The following PHACTR2 variants were observed in gnomAD, a reference collection of about 807,000 sequenced individuals.
PHACTR2 encodes chromosome 6 open reading frame 56.
PHACTR2 carries 30 observed loss-of-function variants against 76.0 expected under a neutral mutation model. That is an observed-to-expected ratio of 0.39 (90% CI 0.30 to 0.54). The LOEUF is 0.54. Ranked by LOEUF, PHACTR2 falls within the 20% of genes least tolerant of loss-of-function variation. The pLI is 0.61. For synonymous variants in PHACTR2, 292 were observed against 292.5 expected (o/e 1.00, Z 0.02); for missense variants, 696 against 781.1 (o/e 0.89, Z 1.30).
intron 11 of PHACTR2, among the ~76,000 whole-genome samples, chr6:143,792,768 CT>C (rs1053831728): frequency 7.2e-5 from 11 of 152,276 alleles, no homozygotes; most frequent in African/African-American, 2.2e-4. Context: ...TACATGGCCT[CT>C]TCAGCATGGT....
rs536730176 is a variant in PHACTR2, at chr6:143,767,714, C to A, written c.1232+1916C>A. On this transcript the variant is annotated intron_variant, in intron 6 of 12. Coordinates refer to ENST00000440869, the MANE Select transcript of PHACTR2 (RefSeq NM_001100164.2). This position sits in a 1 kb window ranked among gnomAD's most constrained non-coding sequence, Gnocchi z 4.4. ...CAGAGAGCACAACAGAGTGAACCTACCCCTGTGAGCCCTTTTGAAAATGGC... is the reference window on the plus strand; with the variant it reads ...CAGAGAGCACAACAGAGTGAACCTAACCCTGTGAGCCCTTTTGAAAATGGC... Among the ~76,000 whole-genome samples the A allele has an allele frequency of 5.3e-5, 8 of 152,306 alleles. No individual in the cohort carries two copies. The South Asian group carries it at 1.5e-3, about 28-fold the overall frequency.
intron 2 of PHACTR2, among the ~76,000 whole-genome samples, chr6:143,746,378 T>G (rs1488158288): frequency 1.3e-5 from 2 of 152,192 alleles, no homozygotes; most frequent in Non-Finnish European, 2.9e-5. Flanking sequence ...GTTTTGTTTC[T>G]TATGAGCAAA....
At position 143,562,579 on chromosome 6, in the gene PHACTR2, A is replaced by C. The variant is rs1179753697; in HGVS notation, c.217+25372A>C. ...AGATTTGGGTGGGGACAAATATCCAAACTATATCACTTGACTGCCTCTCCA... is the reference window on the plus strand; with the variant it reads ...AGATTTGGGTGGGGACAAATATCCACACTATATCACTTGACTGCCTCTCCA... On this transcript the variant is annotated intron_variant, in intron 1 of 11. Transcript: ENST00000367584. This position sits in a 1 kb window ranked among gnomAD's most constrained non-coding sequence, Gnocchi z 5.1. Among the ~76,000 whole-genome samples, 1 of 152,092 alleles carries C rather than the reference A, an allele frequency of 6.6e-6. No homozygotes were observed. Among genetic ancestry groups the C allele is most frequent in the African/African-American group, 2.4e-5 (1 of 41,398 alleles).
At chr6:143,650,926 C>A (rs1317208434) in intron 1 of PHACTR2, among the ~76,000 whole-genome samples, 1 of 152,114 alleles carries the variant, frequency 6.6e-6, no homozygotes, top group African/African-American at 2.4e-5. Context: ...TGTTTGCAAT[C>A]TATCCATCTG....
chr6:143,605,347 A>C (rs1775858335), upstream of PHACTR2, among the ~76,000 whole-genome samples: 1 of 152,214 alleles, frequency 6.6e-6, no homozygotes, highest in African/African-American at 2.4e-5. This position sits in a 1 kb window ranked among gnomAD's most constrained non-coding sequence, Gnocchi z 5.0. Flanking sequence ...CGATGCCTCT[A>C]CCATGCCCAC....
chr6:143,634,698 G>A (rs1582721186), intron 1 of PHACTR2, among the ~76,000 whole-genome samples: 1 of 152,196 alleles, frequency 6.6e-6, no homozygotes, highest in Non-Finnish European at 1.5e-5. Flanking sequence ...GTTATAAGGT[G>A]TCAGGCTGAT....
chr6:143,721,637 A>ATGTGTGTGTGTGTGTGTGTCTG, intron 2 of PHACTR2, among the ~76,000 whole-genome samples: 1 of 150,622 alleles, frequency 6.6e-6, no homozygotes, highest in Admixed American at 6.6e-5. Context: ...CTATCTTCTG[A>ATGTGTGTGTGTGTGTGTGTCTG]TGTGTGTGTG....
chr6:143,799,322 T>G (rs570333365), intron 11 of PHACTR2, among the ~76,000 whole-genome samples: 1 of 152,224 alleles, frequency 6.6e-6, no homozygotes, highest in Non-Finnish European at 1.5e-5. Flanking sequence ...TTTGTTAATC[T>G]TTTCAAAAAG....
rs916832111 is a variant in PHACTR2 at position 143,592,630 on chromosome 6, T to A, written c.217+55423T>A. ...CTAGTAATGTCCTTCCCTCTGTCTG[T>A]CCATCTCATCGATAAAGCCATGCGT... is the stretch of plus-strand genomic sequence containing the variant. On this transcript the variant is annotated intron_variant, in intron 1 of 11. Coordinates refer to the PHACTR2 transcript ENST00000367584. This position sits in a 1 kb window ranked among gnomAD's most constrained non-coding sequence, Gnocchi z 4.0. Among the ~76,000 whole-genome samples, 2 of 152,194 alleles carry A rather than the reference T, an allele frequency of 1.3e-5. No individual in the cohort carries two copies. Among genetic ancestry groups the A allele is most frequent in the African/African-American group, 2.4e-5 (1 of 41,436 alleles).
intron 1 of PHACTR2, among the ~76,000 whole-genome samples, chr6:143,705,858 A>G (rs1343654513): frequency 6.6e-6 from 1 of 152,168 alleles, no homozygotes; most frequent in Non-Finnish European, 1.5e-5. Context: ...CACTCTTTGG[A>G]AGGAAGTCAC....
At chr6:143,593,430 A>G (rs1469140066) in intron 1 of PHACTR2, among the ~76,000 whole-genome samples, 2 of 152,224 alleles carry the variant, frequency 1.3e-5, no homozygotes, top group Non-Finnish European at 2.9e-5. Context: ...GATTATTGGC[A>G]TATCTTCATT....
intron 1 of PHACTR2, chr6:143,555,155 C>T (rs1300262584): frequency 1.3e-5 from 2 of 152,108 alleles, no homozygotes; most frequent in African/African-American, 4.8e-5. Context: ...TTCTTATCTT[C>T]CCTTTTTAGT....
intron 1 of PHACTR2, among the ~76,000 whole-genome samples, chr6:143,577,977 T>A (rs1387424288): frequency 6.6e-6 from 1 of 152,198 alleles, no homozygotes; most frequent in African/African-American, 2.4e-5. Context: ...CATTATTTAT[T>A]TTTCTAGATT....
rs114521408 is a variant in PHACTR2, at chr6:143,644,813, T to C, written c.13+36491T>C. Among the ~76,000 whole-genome samples, 1,387 of 152,116 alleles carry C rather than the reference T, an allele frequency of 9.1e-3. 28 individuals carry two copies. Among genetic ancestry groups the C allele is most frequent in the African/African-American group, 0.031 (1,291 of 41,476 alleles). ...TTATTTTTCATTTGCTTGTTTTTTC[T>C]GTTTTTTGATATTTTTAATTTTATG... is the stretch of plus-strand genomic sequence containing the variant. On this transcript the variant is annotated intron_variant, in intron 1 of 11. Coordinates refer to the PHACTR2 transcript ENST00000305766.
In PHACTR2 at chr6:143,647,748, G is replaced by T. The variant is rs1776684924; in HGVS notation, c.13+39426G>T. ...GAAGAGCACCTGTACAGAAAGAACA[G>T]CAAGTGCACAGCCCCCTGTGCTGGG... On this transcript the variant is annotated intron_variant, in intron 1 of 11. Coordinates refer to the PHACTR2 transcript ENST00000305766. This position sits in a 1 kb window ranked among gnomAD's most constrained non-coding sequence, Gnocchi z 4.2. Among the ~76,000 whole-genome samples the T allele has an allele frequency of 6.6e-6, 1 of 152,144 alleles. No homozygotes were observed. Among genetic ancestry groups the T allele is most frequent in the South Asian group, 2.1e-4 (1 of 4,824 alleles).
At chr6:143,802,875 A>T (rs965355590) in intron 11 of PHACTR2, among the ~76,000 whole-genome samples, 2 of 152,182 alleles carry the variant, frequency 1.3e-5, no homozygotes, top group East Asian at 3.8e-4. Flanking sequence ...AGTGAATTTT[A>T]AAAATAAGCA....
At chr6:143,773,718 G>A (rs1196786310) in intron 7 of PHACTR2, among the ~76,000 whole-genome samples, 2 of 152,102 alleles carry the variant, frequency 1.3e-5, no homozygotes, top group Admixed American at 1.3e-4. Flanking sequence ...TTTTAAACTT[G>A]AAAAAGAAAC....
rs951977035 is a variant in PHACTR2, at chr6:143,779,646, C to T, written c.1645+2263C>T. ...TACGGGTGTAAGCCACCGTGCCCGG[C>T]CCTAACTAGGGCATCTTTTCTGGCA... On this transcript the variant is annotated intron_variant, in intron 9 of 12. Transcript: ENST00000440869. Among the ~76,000 whole-genome samples the T allele has an allele frequency of 2.6e-5, 4 of 152,208 alleles. No individual in the cohort carries two copies. The South Asian group carries it at 8.3e-4, about 32-fold the overall frequency.
At chr6:143,682,142 G>T (rs550896852) in intron 1 of PHACTR2, among the ~76,000 whole-genome samples, 5 of 152,326 alleles carry the variant, frequency 3.3e-5, no homozygotes, top group African/African-American at 1.2e-4. Flanking sequence ...TATTGAACCT[G>T]TAGATCAATT....
Sources: gnomAD v4.1 joint callset for allele counts (sites outside exome capture counted in the v4.1 genomes callset) on GRCh38, gnomAD v4.1.1 for gene constraint, Gnocchi (gnomAD v3.1) non-coding constraint, MANE v1.5 for transcripts, NCBI Gene and HGNC (gene_info 2026-07-23, HGNC 2026-07-21) for gene names.